Variants in PCDHGA6 observed in about 807,000 individuals in gnomAD.
The protein encoded by PCDHGA6 is protocadherin gamma-A6.
A neutral mutation model predicts 60.6 loss-of-function variants in PCDHGA6; 41 were observed. That is an observed-to-expected ratio of 0.68 (90% CI 0.53 to 0.88). The LOEUF is 0.88. PCDHGA6 is among the 40% of genes least tolerant of loss of function. The pLI, the probability that PCDHGA6 is intolerant of heterozygous loss-of-function variation, is 0.00. For synonymous variants in PCDHGA6, 594 were observed against 524.4 expected, an observed-to-expected ratio of 1.13 and a Z score of -1.81; for missense variants, 1,312 against 1,203.0, an observed-to-expected ratio of 1.09 and a Z score of -1.34.
intron 1 of PCDHGA6, chr5:141,427,048 C>T (rs1257232583): frequency 4.4e-6 from 2 of 457,350 alleles, no homozygotes; most frequent in South Asian, 1.5e-5. Context: ...AATGTGCCCC[C>T]AGGCACCTCT....
chr5:141,483,887 C>G (rs147069309), intron 1 of PCDHGA6, among the ~76,000 whole-genome samples: 13 of 152,036 alleles, frequency 8.6e-5, no homozygotes, highest in Non-Finnish European at 1.2e-4. Context: ...TTTTCTATTT[C>G]TCTGAGCTCT....
At chr5:141,392,465 C>A (rs2092539675) in intron 1 of PCDHGA6, 2 of 174,278 alleles carry the variant, frequency 1.1e-5, no homozygotes, top group Admixed American at 6.2e-5. Flanking sequence ...ACGGATAAAT[C>A]AAATAAATTC....
chr5:141,397,205 AAG>A (rs896486095), intron 1 of PCDHGA6, among the ~76,000 whole-genome samples: 76 of 152,336 alleles, frequency 5.0e-4, no homozygotes, highest in African/African-American at 1.8e-3. Context: ...GATATGACAT[AAG>A]AGAAGTATTT....
intron 1 of PCDHGA6, among the ~76,000 whole-genome samples, chr5:141,438,596 A>G (rs1303292978): frequency 2.8e-5 from 1 of 35,176 alleles, no homozygotes; most frequent in Non-Finnish European, 6.2e-5. Context: ...ACATACATAT[A>G]TATATATATA....
Position 141,476,231 on chromosome 5 carries a change from G to A in PCDHGA6, c.2425-18576G>A. The A allele has an allele frequency of 6.2e-7, 1 of 1,614,084 alleles. No individual in the cohort carries two copies. Among genetic ancestry groups the A allele is most frequent in the Non-Finnish European group, 8.5e-7 (1 of 1,180,034 alleles). On this transcript the variant is annotated intron_variant, in intron 1 of 3. Coordinates refer to ENST00000517434, the MANE Select transcript of PCDHGA6 (RefSeq NM_018919.3). The surrounding 1 kb of genome is among the most constrained non-coding windows in gnomAD (Gnocchi z 7.6). ...CACGGTCATTCACTATGAGATCCCG[G>A]AGGAAAGAGAGAAGGGTTTCGCTGT...
chr5:141,433,159 T>C, intron 1 of PCDHGA6: 2 of 1,613,968 alleles, frequency 1.2e-6, no homozygotes, highest in Non-Finnish European at 1.7e-6. Flanking sequence ...CGGTATTTTC[T>C]AAAGACAGTC....
intron 1 of PCDHGA6, chr5:141,391,383 G>T (rs1344096934): frequency 3.3e-5 from 5 of 150,356 alleles, no homozygotes; most frequent in African/African-American, 9.8e-5. Context: ...CACAATGATA[G>T]CTCCCTCCAG....
At chr5:141,427,401 G>A (rs2097022075) in intron 1 of PCDHGA6, 1 of 461,400 alleles carries the variant, frequency 2.2e-6, no homozygotes, top group Non-Finnish European at 4.3e-6. Flanking sequence ...ACATGATAAA[G>A]ATTCGAGAGA....
intron 1 of PCDHGA6, chr5:141,387,690 C>A: frequency 1.2e-6 from 1 of 833,028 alleles, no homozygotes; most frequent in Non-Finnish European, 1.8e-6. Context: ...AGCCGCAGCG[C>A]GCTTTCCAGG....
intron 1 of PCDHGA6, chr5:141,392,860 T>C (rs726684): frequency 6.2e-7 from 1 of 1,612,118 alleles, no homozygotes; most frequent in Non-Finnish European, 8.5e-7. Flanking sequence ...CTGATCCTGC[T>C]GTGCGCGCTG....
chr5:141,494,736 T>A, intron 1 of PCDHGA6, 71 bp from the exon 2 acceptor site: 2 of 1,611,858 alleles, frequency 1.2e-6, no homozygotes, highest in Non-Finnish European at 1.7e-6. Flanking sequence ...TCCCGGCCCA[T>A]CCCTAGGGGC....
chr5:141,497,005 A>T (rs1249733879), intron 2 of PCDHGA6, among the ~76,000 whole-genome samples: 1 of 152,134 alleles, frequency 6.6e-6, no homozygotes, highest in Non-Finnish European at 1.5e-5. Context: ...GGCAGCCAAC[A>T]TGGTGAAACC....
chr5:141,404,829 TGC>T lies in PCDHGA6; in HGVS notation c.2424+28325_2424+28326del, dbSNP rs774802551. 6.2e-6 allele frequency: 10 copies of T among 1,608,020 alleles called. No individual in the cohort carries two copies. In the Admixed American group the frequency reaches 1.7e-4, roughly 27 times the overall value. On this transcript the variant is annotated intron_variant, in intron 1 of 3. Coordinates refer to ENST00000517434, the MANE Select transcript of PCDHGA6 (RefSeq NM_018919.3). ...TCGGTGGGGCTGCACACAGGTGAAGTGCGCACAGCTCGGGCCCTGCTAGATAG... is the reference window on the plus strand; with the variant it reads ...TCGGTGGGGCTGCACACAGGTGAAGTGCACAGCTCGGGCCCTGCTAGATAG...
intron 1 of PCDHGA6, chr5:141,422,118 ACAAACTGGAGAAGTT>A (rs1243312753): frequency 6.2e-7 from 1 of 1,604,312 alleles, no homozygotes; most frequent in Non-Finnish European, 8.5e-7. Flanking sequence ...AATTGGATTC[ACAAACTGGAGAAGTT>A]CAAGTACGGG....
chr5:141,408,311 A>C (rs1467917610), intron 1 of PCDHGA6: 1 of 1,613,650 alleles, frequency 6.2e-7, no homozygotes, highest in African/African-American at 1.3e-5. Context: ...CCGCTACTCG[A>C]TTCCGGAGGA....
chr5:141,456,236 T>G (rs1299029934), intron 1 of PCDHGA6, among the ~76,000 whole-genome samples: 1 of 152,120 alleles, frequency 6.6e-6, no homozygotes, highest in African/African-American at 2.4e-5. Flanking sequence ...TAACTGCTGT[T>G]AGGAGGCTTT....
In PCDHGA6 at chr5:141,394,383, C is replaced by G. The variant is rs2092989606; in HGVS notation, c.2424+17876C>G. The G allele has an allele frequency of 3.1e-6, 5 of 1,614,118 alleles. No homozygotes were observed. In the Admixed American group the frequency reaches 5.0e-5, roughly 16 times the overall value. ...TGCGCTGCAATCTTTCGACTATGAG[C>G]AGATCCGAGACCTGCAGCTACTGGT... On this transcript the variant is annotated intron_variant, in intron 1 of 3. Transcript: ENST00000517434.
intron 1 of PCDHGA6, chr5:141,415,455 G>T: frequency 6.2e-7 from 1 of 1,614,186 alleles, no homozygotes; most frequent in Non-Finnish European, 8.5e-7. Context: ...ATTCCCACGA[G>T]GTCTCTCTCA....
At chr5:141,390,285 A>T (rs1428739924) in intron 1 of PCDHGA6, 1 of 1,613,968 alleles carries the variant, frequency 6.2e-7, no homozygotes, top group Non-Finnish European at 8.5e-7. Flanking sequence ...CCATCAGGTG[A>T]GTTTCCTTTA....
Sources: gnomAD v4.1 joint callset for allele counts (sites outside exome capture counted in the v4.1 genomes callset) on GRCh38, gnomAD v4.1.1 for gene constraint, Gnocchi (gnomAD v3.1) non-coding constraint, MANE v1.5 for transcripts, NCBI Gene and HGNC (gene_info 2026-07-23, HGNC 2026-07-21) for gene names.